Variants in FOXJ3 observed in about 807,000 individuals in gnomAD.
The protein encoded by FOXJ3 is forkhead box J3, also known as forkhead box protein J3.
FOXJ3 carries 22 observed loss-of-function variants against 76.1 expected under a neutral mutation model. The ratio of observed to expected loss-of-function variants is 0.29; its 90% CI spans 0.21 to 0.41. FOXJ3 has a LOEUF of 0.41. Ranked by LOEUF, FOXJ3 falls within the 10% of genes least tolerant of loss-of-function variation. The pLI, the probability that FOXJ3 is intolerant of heterozygous loss-of-function variation, is 1.00. For synonymous variants in FOXJ3, 269 were observed against 261.2 expected, an observed-to-expected ratio of 1.03 and a Z score of -0.29; for missense variants, 613 against 762.1, an observed-to-expected ratio of 0.80 and a Z score of 2.30.
intron 1 of FOXJ3, among the ~76,000 whole-genome samples, chr1:42,318,285 T>C (rs1655238169): frequency 1.3e-5 from 2 of 152,232 alleles, no homozygotes; most frequent in Non-Finnish European, 2.9e-5. Context: ...AAAGAAGATA[T>C]ATGAATGTCC....
At chr1:42,241,086 CT>C (rs1340897147) in intron 4 of FOXJ3, among the ~76,000 whole-genome samples, 3 of 152,170 alleles carry the variant, frequency 2.0e-5, no homozygotes, top group Non-Finnish European at 4.4e-5. Context: ...CTTGGAGAGG[CT>C]GCCCACTGTG....
intron 5 of FOXJ3, among the ~76,000 whole-genome samples, chr1:42,222,138 T>G (rs987587251): frequency 2.0e-5 from 3 of 150,178 alleles, no homozygotes; most frequent in Admixed American, 6.6e-5. Flanking sequence ...AAGGAATTAC[T>G]GTCTTTCTTG....
At chr1:42,189,266 T>G in intron 10 of FOXJ3, 37 bp downstream of exon 10, 1 of 1,203,362 alleles carries the variant, frequency 8.3e-7, no homozygotes, top group Non-Finnish European at 1.2e-6. Context: ...CAGGATCATG[T>G]GTATTTGGTT....
At chr1:42,214,291 T>C (rs750591059) in intron 5 of FOXJ3, among the ~76,000 whole-genome samples, 2 of 152,242 alleles carry the variant, frequency 1.3e-5, no homozygotes, top group South Asian at 4.1e-4. Flanking sequence ...TATTTTTATT[T>C]ATAGGTGCAC....
intron 7 of FOXJ3, 117 bp from the exon 8 acceptor site, chr1:42,195,181 T>C (rs1646627906): frequency 2.7e-6 from 2 of 740,868 alleles, no homozygotes; most frequent in Non-Finnish European, 4.2e-6. Context: ...AAATAACTCT[T>C]CTGTCTTAGG....
intron 3 of FOXJ3, among the ~76,000 whole-genome samples, chr1:42,273,157 G>A (rs1486331701): frequency 6.6e-6 from 1 of 152,152 alleles, no homozygotes; most frequent in Non-Finnish European, 1.5e-5. Flanking sequence ...CACAGTAGGT[G>A]TGGCCAATTA....
intron 11 of FOXJ3, among the ~76,000 whole-genome samples, chr1:42,188,382 A>G (rs1032701771): frequency 4.6e-5 from 7 of 152,228 alleles, no homozygotes; most frequent in African/African-American, 1.7e-4. Flanking sequence ...GTTGATTTCC[A>G]TTGCAGATCT....
intron 1 of FOXJ3, among the ~76,000 whole-genome samples, chr1:42,321,238 C>T (rs1655409961): frequency 6.6e-6 from 1 of 152,116 alleles, no homozygotes; most frequent in African/African-American, 2.4e-5. Flanking sequence ...GATTCCGGAA[C>T]TACTGGTTTA....
Position 42,191,286 on chromosome 1 carries a change from A to G in FOXJ3, c.1351+17T>C, listed in dbSNP as rs1348859296. ...ATTCACAGTTAGCCAAACACAAACCAGGAGACAAAAACTTACCAGAATTAC... is the reference window on the plus strand; with the variant it reads ...ATTCACAGTTAGCCAAACACAAACCGGGAGACAAAAACTTACCAGAATTAC... On this transcript the variant is annotated intron_variant, in intron 9 of 12. Transcript: ENST00000361346. 1 of 1,525,796 alleles carries G rather than the reference A, an allele frequency of 6.6e-7. No individual in the cohort carries two copies. Among genetic ancestry groups the G allele is most frequent in the Non-Finnish European group, 8.8e-7 (1 of 1,133,924 alleles). 94.5% of individuals were successfully genotyped at this position (1,525,796 alleles called of 1,614,324 possible).
chr1:42,202,639 T>C (rs1646785225), intron 6 of FOXJ3, among the ~76,000 whole-genome samples: 1 of 152,180 alleles, frequency 6.6e-6, no homozygotes. Flanking sequence ...TAGGTTTCTA[T>C]CACAAGGAGA....
At chr1:42,286,809 T>C (rs1330746630) in intron 2 of FOXJ3, among the ~76,000 whole-genome samples, 1 of 151,796 alleles carries the variant, frequency 6.6e-6, no homozygotes, top group Non-Finnish European at 1.5e-5. Flanking sequence ...AAATTTTCTA[T>C]TTCTAGTAGA....
intron 2 of FOXJ3, among the ~76,000 whole-genome samples, chr1:42,308,059 T>G (rs1277129584): frequency 1.3e-5 from 2 of 152,184 alleles, no homozygotes; most frequent in Admixed American, 6.5e-5. Flanking sequence ...TTCTATTCAC[T>G]ACCTTCACTT....
chr1:42,333,202 A>T (rs1656262275), intron 1 of FOXJ3, among the ~76,000 whole-genome samples: 1 of 152,204 alleles, frequency 6.6e-6, no homozygotes, highest in Non-Finnish European at 1.5e-5. Flanking sequence ...AAATATTTTC[A>T]TTCTACATAG....
At chr1:42,251,163 A>G (rs1650010382) in intron 4 of FOXJ3, among the ~76,000 whole-genome samples, 1 of 152,158 alleles carries the variant, frequency 6.6e-6, no homozygotes, top group Admixed American at 6.5e-5. Flanking sequence ...CAAAGAAAAG[A>G]GAAAAATTAC....
intron 2 of FOXJ3, among the ~76,000 whole-genome samples, chr1:42,302,345 A>C (rs958982805): frequency 6.6e-6 from 1 of 152,244 alleles, no homozygotes; most frequent in Non-Finnish European, 1.5e-5. Context: ...TTTACAGAGA[A>C]GCTCTCTGTT....
chr1:42,321,863 G>C (rs1655450353), intron 1 of FOXJ3, among the ~76,000 whole-genome samples: 1 of 151,928 alleles, frequency 6.6e-6, no homozygotes, highest in South Asian at 2.1e-4. Flanking sequence ...AGATTCCATT[G>C]GCATCATTTT....
chr1:42,282,376 A>G (rs1264670631), intron 2 of FOXJ3, among the ~76,000 whole-genome samples: 1 of 152,148 alleles, frequency 6.6e-6, no homozygotes, highest in South Asian at 2.1e-4. Flanking sequence ...AACACTTTCA[A>G]TGGCTCCCTA....
At chr1:42,283,811 G>T (rs1213434311) in intron 2 of FOXJ3, among the ~76,000 whole-genome samples, 1 of 152,104 alleles carries the variant, frequency 6.6e-6, no homozygotes, top group African/African-American at 2.4e-5. Flanking sequence ...CCAGAAGCAG[G>T]GACTATGGCA....
At chr1:42,185,452 G>A (rs1437217942) in intron 11 of FOXJ3, among the ~76,000 whole-genome samples, 2 of 151,552 alleles carry the variant, frequency 1.3e-5, no homozygotes, top group Admixed American at 1.3e-4. Flanking sequence ...AGTAGAGACG[G>A]GGTTTCACCA....
Sources: allele counts gnomAD v4.1 joint callset (sites outside exome capture counted in the v4.1 genomes callset), GRCh38; gene constraint gnomAD v4.1.1; transcripts MANE v1.5; gene names NCBI Gene and HGNC (gene_info 2026-07-23, HGNC 2026-07-21).